The following MACC1 variants were observed in gnomAD, a reference collection of about 807,000 sequenced individuals.
MACC1 encodes the protein MET transcriptional regulator MACC1.
Under a neutral mutation model 70.7 loss-of-function variants are expected in MACC1, and 79 were observed. The observed-to-expected ratio is 1.12, with a 90% CI of 0.93 to 1.35. MACC1 has a LOEUF of 1.35. Among genes scored for constraint, MACC1 ranks in the 40% most tolerant of loss-of-function variants. The pLI is 0.00. For missense variants in MACC1, 1,106 were observed against 978.1 expected (o/e 1.13, Z -1.74); for synonymous variants, 361 against 347.2 (o/e 1.04, Z -0.44).
At chr7:20,198,061 G>A (rs1473006898) in intron 1 of MACC1, among the ~76,000 whole-genome samples, 4 of 114,224 alleles carry the variant, frequency 3.5e-5, no homozygotes, top group African/African-American at 9.5e-5. Flanking sequence ...AATGCCTCCA[G>A]TTACCACAGT....
At chr7:20,184,351 G>C (rs1782554239) in intron 1 of MACC1, among the ~76,000 whole-genome samples, 1 of 152,098 alleles carries the variant, frequency 6.6e-6, no homozygotes, top group Non-Finnish European at 1.5e-5. Context: ...AATCTCAATT[G>C]TGCCCAACAA....
At chr7:20,210,637 A>C (rs1032614548) in intron 1 of MACC1, among the ~76,000 whole-genome samples, 1 of 152,016 alleles carries the variant, frequency 6.6e-6, no homozygotes, top group South Asian at 2.1e-4. Flanking sequence ...CTATCCTTTC[A>C]ATCTTTTTCT....
At chr7:20,187,463 C>A (rs537804564) in intron 1 of MACC1, among the ~76,000 whole-genome samples, 3 of 152,114 alleles carry the variant, frequency 2.0e-5, no homozygotes, top group Non-Finnish European at 4.4e-5. Flanking sequence ...ACTTCTTGTC[C>A]TTTGCCTGCC....
rs766275049 is a variant in MACC1 at position 20,158,374 on chromosome 7, C to A, written c.1987G>T (p.Asp663Tyr). 3 of 1,613,594 alleles carry A rather than the reference C, an allele frequency of 1.9e-6. No homozygotes were observed. Among genetic ancestry groups the A allele is most frequent in the African/African-American group, 2.7e-5 (2 of 74,906 alleles). The change falls in exon 5 of 7, where the codon GAT (aspartate) becomes TAT (tyrosine). Residue 663 changes from aspartate (D) to tyrosine (Y), a missense_variant. Asp to Tyr is a radical substitution (Grantham distance 160, BLOSUM62 -3). Transcript: ENST00000400331. ...VLTLVSEKVY[D>Y]WKVLADVLGY... ...AGGACATCAGCTAAAACTTTCCAAT[C>A]ATAAACTTTTTCTGACACCAAGGTT...
intron 6 of MACC1, among the ~76,000 whole-genome samples, chr7:20,148,683 C>A (rs187010220): frequency 6.6e-6 from 1 of 152,106 alleles, no homozygotes; most frequent in Non-Finnish European, 1.5e-5. Flanking sequence ...TTCTTTCCTA[C>A]CTCATTCCTC....
At chr7:20,200,436 T>A (rs192404444) in intron 1 of MACC1, among the ~76,000 whole-genome samples, 1 of 152,300 alleles carries the variant, frequency 6.6e-6, no homozygotes, top group Non-Finnish European at 1.5e-5. Flanking sequence ...ACCTTTGATA[T>A]CAGTATTTCC....
chr7:20,162,422 A>G (rs1782152102), intron 3 of MACC1, among the ~76,000 whole-genome samples: 2 of 152,212 alleles, frequency 1.3e-5, no homozygotes, highest in Admixed American at 6.5e-5. Flanking sequence ...CAACACATAC[A>G]GCAGCAATAA....
chr7:20,158,871 A>T lies in MACC1; in HGVS notation c.1490T>A (p.Val497Asp). The T allele has an allele frequency of 6.2e-7, 1 of 1,614,126 alleles. No homozygotes were observed. Among genetic ancestry groups the T allele is most frequent in the Non-Finnish European group, 8.5e-7 (1 of 1,180,024 alleles). The change falls in exon 5 of 7, where the codon GTT becomes GAT. Residue 497 changes from valine to aspartate, a missense_variant. Physicochemically the swap from Val to Asp is radical, Grantham distance 152. Transcript: ENST00000400331. Reference sequence around the variant, plus strand: ...AGGAGTAGTGATAGAGAACTGTGCAACTGGTTCACCATTGGGAGGCTCCAC... The same window carrying T: ...AGGAGTAGTGATAGAGAACTGTGCATCTGGTTCACCATTGGGAGGCTCCAC... ...VQVEPPNGEPVAQFSITTPDP... is the reference protein window; with the variant it reads ...VQVEPPNGEPDAQFSITTPDP...
chr7:20,208,871 T>C (rs1782953531), intron 1 of MACC1, among the ~76,000 whole-genome samples: 1 of 152,188 alleles, frequency 6.6e-6, no homozygotes, highest in Non-Finnish European at 1.5e-5. Flanking sequence ...CTATGCAACT[T>C]TGGGACATGG....
rs548401649 is a variant in MACC1, at chr7:20,203,173, A to G, written c.-218+14126T>C. Among the ~76,000 whole-genome samples the G allele has an allele frequency of 4.6e-5, 7 of 152,270 alleles. No individual in the cohort carries two copies. In the South Asian group the frequency reaches 1.5e-3, roughly 32 times the overall value. On this transcript the variant is annotated intron_variant, in intron 1 of 6. Transcript: ENST00000400331. ...TGGGTTATTTTAAGTTTCAAAATGC[A>G]GTATTATTTGTAAATTTTCATCAGC...
At chr7:20,141,202 G>T in intron 6 of MACC1, 44 bp from the exon 7 acceptor site, 1 of 1,347,906 alleles carries the variant, frequency 7.4e-7, no homozygotes, top group Non-Finnish European at 1.0e-6. Context: ...GAAGTAGAAA[G>T]GAGAGGAAAA....
chr7:20,162,649 A>G (rs1759104224), intron 3 of MACC1, among the ~76,000 whole-genome samples: 1 of 152,144 alleles, frequency 6.6e-6, no homozygotes, highest in Non-Finnish European at 1.5e-5. Flanking sequence ...GGATTGATAC[A>G]TGGCACAGGT....
At position 20,137,171 on chromosome 7, in the gene MACC1, C is replaced by A. The variant is rs1781729685; in HGVS notation, c.*3775G>T. 1 of 152,064 alleles carries A rather than the reference C, an allele frequency of 6.6e-6. No individual in the cohort carries two copies. The highest frequency in any genetic ancestry group is 2.4e-5 in the African/African-American group (1 of 41,418). 9.4% of individuals were successfully genotyped at this position (152,064 alleles called of 1,614,324 possible). Reference sequence around the variant, plus strand: ...CAATATAAAAATTCAAGTCCTTCAACTTCCAGTTATAGCATTGTACAAATT... The same window carrying A: ...CAATATAAAAATTCAAGTCCTTCAAATTCCAGTTATAGCATTGTACAAATT... On this transcript the variant is annotated 3_prime_UTR_variant, in exon 7 of 7. Coordinates refer to ENST00000400331, the MANE Select transcript of MACC1 (RefSeq NM_182762.4).
intron 6 of MACC1, among the ~76,000 whole-genome samples, chr7:20,148,961 G>C (rs560151175): frequency 6.6e-6 from 1 of 152,252 alleles, no homozygotes; most frequent in South Asian, 2.1e-4. Flanking sequence ...AAAGAATTAA[G>C]TACCAAGGCT....
chr7:20,150,201 C>T (rs562361434), intron 6 of MACC1, among the ~76,000 whole-genome samples: 4 of 152,162 alleles, frequency 2.6e-5, no homozygotes, highest in African/African-American at 9.6e-5. Flanking sequence ...AAAGTAAAAC[C>T]TGGTTTTTAA....
intron 1 of MACC1, among the ~76,000 whole-genome samples, chr7:20,189,357 C>T (rs958699019): frequency 6.6e-6 from 1 of 152,194 alleles, no homozygotes; most frequent in Non-Finnish European, 1.5e-5. Context: ...TTTGTTCACT[C>T]TTGTATCCCC....
chr7:20,200,951 G>A (rs1402340843), intron 1 of MACC1, among the ~76,000 whole-genome samples: 1 of 152,170 alleles, frequency 6.6e-6, no homozygotes, highest in East Asian at 1.9e-4. Flanking sequence ...GCCTACCAAG[G>A]AAGTGTTCCT....
chr7:20,172,312 C>G (rs1015124988), intron 1 of MACC1, among the ~76,000 whole-genome samples: 2 of 152,154 alleles, frequency 1.3e-5, no homozygotes, highest in Non-Finnish European at 2.9e-5. Flanking sequence ...CAGTCCGGAG[C>G]AAACCAGGAT....
intron 1 of MACC1, among the ~76,000 whole-genome samples, chr7:20,172,728 C>G (rs10085691): frequency 6.6e-6 from 1 of 152,182 alleles, no homozygotes; most frequent in African/African-American, 2.4e-5. Context: ...ATCACTTAAC[C>G]GCCCAAAGTG....
Sources: allele counts gnomAD v4.1 joint callset (sites outside exome capture counted in the v4.1 genomes callset), GRCh38; gene constraint gnomAD v4.1.1; transcripts MANE v1.5; gene names NCBI Gene and HGNC (gene_info 2026-07-23, HGNC 2026-07-21).